Variants in TBC1D5 observed in about 807,000 individuals in gnomAD.
TBC1D5 encodes TBC1 domain family member 5.
TBC1D5 carries 75 observed loss-of-function variants against 100.3 expected under a neutral mutation model. The ratio of observed to expected loss-of-function variants is 0.75; its 90% CI spans 0.62 to 0.91. The LOEUF is 0.91. Ranked by LOEUF, TBC1D5 falls within the 40% of genes least tolerant of loss-of-function variation. TBC1D5 has a pLI of 0.00. For missense variants in TBC1D5, 910 were observed against 942.4 expected (o/e 0.97, Z 0.45); for synonymous variants, 323 against 325.6 (o/e 0.99, Z 0.09).
chr3:17,215,025 G>A (rs146608841), intron 17 of TBC1D5, among the ~76,000 whole-genome samples: 127 of 152,100 alleles, frequency 8.3e-4, no homozygotes, highest in African/African-American at 2.7e-3. Flanking sequence ...TGAGAGATGA[G>A]GTTTGAGAGC....
chr3:17,462,866 T>C (rs1250576567), intron 3 of TBC1D5, among the ~76,000 whole-genome samples: 1 of 152,162 alleles, frequency 6.6e-6, no homozygotes, highest in Non-Finnish European at 1.5e-5. Flanking sequence ...TGACCTATCT[T>C]CTTTTACCTT....
intron 2 of TBC1D5, among the ~76,000 whole-genome samples, chr3:17,611,671 G>A (rs1048495521): frequency 6.6e-6 from 1 of 152,222 alleles, no homozygotes; most frequent in Non-Finnish European, 1.5e-5. Context: ...GGACAACTGA[G>A]AAACCAGAGT....
At chr3:17,547,299 A>G (rs550645880) in intron 2 of TBC1D5, among the ~76,000 whole-genome samples, 119 of 152,290 alleles carry the variant, frequency 7.8e-4, no homozygotes, top group Non-Finnish European at 1.5e-3. Flanking sequence ...TTTTAAAATG[A>G]ATCTTCTCAG....
intron 14 of TBC1D5, among the ~76,000 whole-genome samples, chr3:17,295,254 T>A (rs1375819): frequency 6.6e-6 from 1 of 152,136 alleles, no homozygotes; most frequent in African/African-American, 2.4e-5. Context: ...TAGTCACTTA[T>A]AATATGGTGA....
At chr3:17,185,010 T>C (rs1477098754) in intron 19 of TBC1D5, 99 bp downstream of exon 20, 3 of 954,176 alleles carry the variant, frequency 3.1e-6, no homozygotes, top group Admixed American at 2.2e-5. Context: ...ATAAGGTAAT[T>C]CATGTAAACA....
intron 8 of TBC1D5, among the ~76,000 whole-genome samples, chr3:17,396,621 C>A (rs1303102099): frequency 6.6e-6 from 1 of 151,614 alleles, no homozygotes; most frequent in African/African-American, 2.4e-5. Flanking sequence ...AGTAAAATAA[C>A]TTTCGAATAT....
intron 16 of TBC1D5, among the ~76,000 whole-genome samples, chr3:17,246,954 C>T (rs2076786549): frequency 6.6e-6 from 1 of 152,156 alleles, no homozygotes; most frequent in African/African-American, 2.4e-5. Flanking sequence ...CTTTATATAT[C>T]TGGGCCTTGG....
chr3:17,374,666 T>C, exon 11 of TBC1D5: 15 of 1,610,412 alleles, frequency 9.3e-6, no homozygotes, highest in Non-Finnish European at 1.3e-5. Context: ...TTCAAGACAG[T>C]TTTCATTTCC....
rs374496313 is a variant in TBC1D5, at chr3:17,673,311, C to CTTTTTT, written c.-100-49404_-100-49399dup. The stretch of plus-strand genomic sequence containing the variant: ...TATTTTCTGTACTTTCTTTTCTTTT[C>CTTTTTT]TTTTTTTTTTTTTTTTTGAGACAGG... On this transcript the variant is annotated intron_variant, in intron 1 of 21. Transcript: ENST00000253692. Among the ~76,000 whole-genome samples the CTTTTTT allele has an allele frequency of 2.6e-4, 33 of 125,956 alleles. 2 individuals carry two copies. The highest frequency in any genetic ancestry group is 2.9e-4 in the Non-Finnish European group (18 of 61,238). 82.6% of individuals were successfully genotyped at this position (125,956 alleles called of 152,430 possible).
At chr3:17,599,794 G>C (rs936175141) in intron 2 of TBC1D5, among the ~76,000 whole-genome samples, 1 of 152,172 alleles carries the variant, frequency 6.6e-6, no homozygotes, top group African/African-American at 2.4e-5. Context: ...TGGCGGCCAA[G>C]TAAGCAAGCC....
chr3:17,487,774 T>C (rs771469220), intron 3 of TBC1D5, among the ~76,000 whole-genome samples: 2 of 152,152 alleles, frequency 1.3e-5, no homozygotes, highest in Non-Finnish European at 2.9e-5. Context: ...AAAGTAAAAG[T>C]CAATGGAAGA....
intron 1 of TBC1D5, among the ~76,000 whole-genome samples, chr3:17,655,639 G>A (rs146883592): frequency 2.1e-4 from 32 of 152,018 alleles, no homozygotes; most frequent in African/African-American, 6.8e-4. Flanking sequence ...TCCCTAATCC[G>A]AAAATCTGAA....
intron 2 of TBC1D5, among the ~76,000 whole-genome samples, chr3:17,605,202 TG>T (rs2061260029): frequency 1.3e-5 from 2 of 152,152 alleles, no homozygotes; most frequent in South Asian, 4.1e-4. Flanking sequence ...CATGAATGAG[TG>T]ACTCATCAAC....
chr3:17,588,393 G>A (rs1362490932), intron 2 of TBC1D5, among the ~76,000 whole-genome samples: 1 of 151,954 alleles, frequency 6.6e-6, no homozygotes, highest in East Asian at 1.9e-4. Flanking sequence ...TCACTGAAAG[G>A]ATATACCAAT....
At chr3:17,725,207 A>C (rs1180249594) in intron 1 of TBC1D5, among the ~76,000 whole-genome samples, 1 of 152,098 alleles carries the variant, frequency 6.6e-6, no homozygotes, top group Non-Finnish European at 1.5e-5. Flanking sequence ...ATTTGTGACA[A>C]TTCCCTGGAG....
intron 1 of TBC1D5, among the ~76,000 whole-genome samples, chr3:17,637,910 A>G (rs896906947): frequency 1.3e-4 from 20 of 152,222 alleles, no homozygotes; most frequent in African/African-American, 4.8e-4. Context: ...AAATATATAT[A>G]CAATGATCCC....
At chr3:17,528,677 T>C (rs1057365254) in intron 2 of TBC1D5, among the ~76,000 whole-genome samples, 4 of 152,022 alleles carry the variant, frequency 2.6e-5, no homozygotes, top group African/African-American at 9.7e-5. Context: ...TAAAAGGGAC[T>C]CATTTATGCA....
chr3:17,719,810 CAA>C (rs1485571384), intron 1 of TBC1D5, among the ~76,000 whole-genome samples: 1 of 152,040 alleles, frequency 6.6e-6, no homozygotes, highest in Non-Finnish European at 1.5e-5. Flanking sequence ...AACCAAAGCT[CAA>C]AATAGGAAAT....
At chr3:17,462,631 T>C (rs1300029851) in intron 3 of TBC1D5, among the ~76,000 whole-genome samples, 2 of 152,130 alleles carry the variant, frequency 1.3e-5, no homozygotes, top group Admixed American at 1.3e-4. Context: ...CTCAAATTTC[T>C]AATATTAGTT....
Sources: allele counts gnomAD v4.1 joint callset (sites outside exome capture counted in the v4.1 genomes callset), GRCh38; gene constraint gnomAD v4.1.1; transcripts MANE v1.5; gene names NCBI Gene and HGNC (gene_info 2026-07-23, HGNC 2026-07-21).